NOS1AP: variants seen among roughly 807,000 people sequenced by gnomAD.
The protein encoded by NOS1AP is carboxyl-terminal PDZ ligand of neuronal nitric oxide synthase protein.
NOS1AP carries 21 observed loss-of-function variants against 56.2 expected under a neutral mutation model. That is an observed-to-expected ratio of 0.37 (90% CI 0.26 to 0.54). The LOEUF is 0.54. Among genes scored for constraint, NOS1AP ranks in the 20% least tolerant of loss-of-function variants. The pLI is 0.84. For synonymous variants in NOS1AP, 270 were observed against 274.6 expected, an observed-to-expected ratio of 0.98 and a Z score of 0.17; for missense variants, 522 against 657.8, an observed-to-expected ratio of 0.79 and a Z score of 2.26.
intron 1 of NOS1AP, among the ~76,000 whole-genome samples, chr1:162,130,339 A>G (rs898731405): frequency 6.6e-5 from 10 of 152,376 alleles, no homozygotes; most frequent in African/African-American, 2.2e-4. Context: ...AGAGACCACA[A>G]TGCTCAATAA....
intron 4 of NOS1AP, among the ~76,000 whole-genome samples, chr1:162,314,188 A>G (rs1656153696): frequency 6.6e-6 from 1 of 152,236 alleles, no homozygotes; most frequent in Non-Finnish European, 1.5e-5. Context: ...GGGTTATCAC[A>G]GCCCCCAGGG....
chr1:162,254,347 T>C (rs1653958525), intron 2 of NOS1AP, among the ~76,000 whole-genome samples: 1 of 152,204 alleles, frequency 6.6e-6, no homozygotes. Context: ...AGGATGCTGT[T>C]GGATGGGACT....
At position 162,154,482 on chromosome 1, in the gene NOS1AP, T is replaced by C; in HGVS notation, c.177+6T>C. ...CTGCCATGCGCCGGATACGGGTGAGTGGCCAGAGGTGGACTGTGTGGAGCG... is the reference window on the plus strand; with the variant it reads ...CTGCCATGCGCCGGATACGGGTGAGCGGCCAGAGGTGGACTGTGTGGAGCG... On this transcript the variant is annotated splice_donor_region_variant and intron_variant, in intron 2 of 9. Coordinates refer to ENST00000361897, the MANE Select transcript of NOS1AP (RefSeq NM_014697.3). 6.2e-7 allele frequency: 1 copy of C among 1,613,754 alleles called. No homozygotes were observed. Among genetic ancestry groups the C allele is most frequent in the Non-Finnish European group, 8.5e-7 (1 of 1,179,818 alleles).
At chr1:162,298,594 A>C (rs1318602051) in intron 3 of NOS1AP, among the ~76,000 whole-genome samples, 1 of 152,226 alleles carries the variant, frequency 6.6e-6, no homozygotes, top group Non-Finnish European at 1.5e-5. Context: ...TGAATGCAGA[A>C]AGCTTAAATA....
intron 1 of NOS1AP, among the ~76,000 whole-genome samples, chr1:162,125,130 CTTTTTTTT>C (rs56264198): frequency 2.4e-5 from 3 of 124,138 alleles, no homozygotes; most frequent in East Asian, 4.4e-4. Flanking sequence ...GTTTCTGACT[CTTTTTTTT>C]TTTTTTTTTT....
At chr1:162,300,421 C>T (rs926755398) in intron 3 of NOS1AP, among the ~76,000 whole-genome samples, 4 of 152,164 alleles carry the variant, frequency 2.6e-5, no homozygotes, top group Admixed American at 6.5e-5. Context: ...CCTCTGAGCC[C>T]TGGAGAGGCA....
chr1:162,214,094 A>C (rs541444416), intron 2 of NOS1AP, among the ~76,000 whole-genome samples: 2 of 152,216 alleles, frequency 1.3e-5, no homozygotes, highest in Non-Finnish European at 2.9e-5. Context: ...ACATGAAACT[A>C]TCAAAGAATA....
intron 2 of NOS1AP, among the ~76,000 whole-genome samples, chr1:162,246,566 C>T (rs1207084660): frequency 6.6e-6 from 1 of 152,104 alleles, no homozygotes; most frequent in Non-Finnish European, 1.5e-5. Context: ...GAGATTAATA[C>T]ACATAGGATT....
chr1:162,353,257 C>T (rs535902451), intron 6 of NOS1AP, among the ~76,000 whole-genome samples: 9 of 152,204 alleles, frequency 5.9e-5, no homozygotes, highest in African/African-American at 2.2e-4. Flanking sequence ...TGCTTTCAGT[C>T]CCTCAAGATA....
intron 2 of NOS1AP, among the ~76,000 whole-genome samples, chr1:162,201,704 T>C (rs1314177261): frequency 6.6e-6 from 1 of 152,208 alleles, no homozygotes; most frequent in African/African-American, 2.4e-5. Context: ...GTCAGTGATA[T>C]TGAGCTTTTC....
rs752577778 is a variant in NOS1AP at position 162,343,819 on chromosome 1, C to T, written c.454-16C>T. On this transcript the variant is annotated splice_polypyrimidine_tract_variant and intron_variant, in intron 5 of 9. Coordinates refer to ENST00000361897, the MANE Select transcript of NOS1AP (RefSeq NM_014697.3). ...GCATCCTCACCCATCCTGTTCTTCT[C>T]CTTTCTCCTTCCCAGAGCCAAGCTA... The T allele has an allele frequency of 6.2e-6, 10 of 1,613,740 alleles. No individual in the cohort carries two copies. Among genetic ancestry groups the T allele is most frequent in the Admixed American group, 1.7e-5 (1 of 60,028 alleles).
chr1:162,248,531 A>G (rs995700747), intron 2 of NOS1AP, among the ~76,000 whole-genome samples: 6 of 152,186 alleles, frequency 3.9e-5, no homozygotes, highest in African/African-American at 1.4e-4. Context: ...GACTTCTAAT[A>G]TGCTCCGCTT....
At chr1:162,294,459 G>A (rs1251959434) in intron 3 of NOS1AP, among the ~76,000 whole-genome samples, 1 of 152,090 alleles carries the variant, frequency 6.6e-6, no homozygotes, top group Non-Finnish European at 1.5e-5. Context: ...CAGCAGCTGG[G>A]TCCCTTGGGT....
At chr1:162,196,533 CA>C (rs1008721951) in intron 2 of NOS1AP, among the ~76,000 whole-genome samples, 3 of 152,140 alleles carry the variant, frequency 2.0e-5, no homozygotes, top group African/African-American at 7.2e-5. Flanking sequence ...ACATGCCCTT[CA>C]GGAATGTGCA....
At position 162,365,175 on chromosome 1, in the gene NOS1AP, A is replaced by G. The variant is rs116061843; in HGVS notation, c.940-229A>G. The G allele has an allele frequency of 5.5e-4, 789 of 1,431,748 alleles. 4 individuals are homozygous for G. The African/African-American group carries it at 8.8e-3, about 16-fold the overall frequency. 88.7% of individuals were successfully genotyped at this position (1,431,748 alleles called of 1,614,324 possible). ...GGTATGGGTACCTTAGTGATGCATCATGGCCCTCCCTTAGGACACACAGCT... is the reference window on the plus strand; with the variant it reads ...GGTATGGGTACCTTAGTGATGCATCGTGGCCCTCCCTTAGGACACACAGCT... On this transcript the variant is annotated intron_variant, in intron 8 of 9. Coordinates refer to ENST00000361897, the MANE Select transcript of NOS1AP (RefSeq NM_014697.3).
chr1:162,325,293 T>C (rs1192169968), intron 4 of NOS1AP, among the ~76,000 whole-genome samples: 2 of 151,900 alleles, frequency 1.3e-5, no homozygotes, highest in Non-Finnish European at 2.9e-5. Flanking sequence ...TAAAAATAAA[T>C]AAGATAGATG....
At chr1:162,346,466 TATGAG>T (rs1418807835) in intron 6 of NOS1AP, among the ~76,000 whole-genome samples, 1 of 152,204 alleles carries the variant, frequency 6.6e-6, no homozygotes, top group Non-Finnish European at 1.5e-5. Flanking sequence ...GAATTGTGGG[TATGAG>T]GTACTACCAA....
At chr1:162,226,514 A>G (rs1289664118) in intron 2 of NOS1AP, among the ~76,000 whole-genome samples, 1 of 152,204 alleles carries the variant, frequency 6.6e-6, no homozygotes, top group African/African-American at 2.4e-5. Flanking sequence ...CTAACATTAC[A>G]ACAATAATTG....
chr1:162,108,332 A>G (rs561583636), intron 1 of NOS1AP, among the ~76,000 whole-genome samples: 1 of 152,314 alleles, frequency 6.6e-6, no homozygotes, highest in East Asian at 1.9e-4. Context: ...TTTGAACATC[A>G]TATTGGATAA....
Sources: gnomAD v4.1 joint callset for allele counts (sites outside exome capture counted in the v4.1 genomes callset) on GRCh38, gnomAD v4.1.1 for gene constraint, MANE v1.5 for transcripts, NCBI Gene and HGNC (gene_info 2026-07-23, HGNC 2026-07-21) for gene names.